SNTG2: variants seen among roughly 807,000 people sequenced by gnomAD.
The protein encoded by SNTG2 is gamma-2-syntrophin.
Under a neutral mutation model 70.9 loss-of-function variants are expected in SNTG2, and 74 were observed. The ratio of observed to expected loss-of-function variants is 1.04; its 90% CI spans 0.86 to 1.27. The LOEUF (loss-of-function observed/expected upper bound fraction) is 1.27, where lower values mean the gene tolerates loss of function less well. SNTG2 is among the 50% of genes most tolerant of loss of function. The pLI is 0.00. For missense variants in SNTG2, 717 were observed against 690.7 expected (o/e 1.04, Z -0.43); for synonymous variants, 278 against 273.8 (o/e 1.02, Z -0.15).
At chr2:960,627 C>T (rs956742653) in intron 1 of SNTG2, among the ~76,000 whole-genome samples, 3 of 150,172 alleles carry the variant, frequency 2.0e-5, no homozygotes, top group African/African-American at 5.0e-5. Context: ...TCTGAGGGTT[C>T]CCGGGCATGG....
intron 16 of SNTG2, among the ~76,000 whole-genome samples, chr2:1,362,353 G>A (rs1036753560): frequency 6.6e-6 from 1 of 152,006 alleles, no homozygotes; most frequent in Non-Finnish European, 1.5e-5. Flanking sequence ...CCGACGCTGA[G>A]CATTTCAATA....
intron 1 of SNTG2, among the ~76,000 whole-genome samples, chr2:1,023,119 A>G (rs78258236): frequency 0.095 from 14,351 of 151,668 alleles, 792 homozygotes; most frequent in Middle Eastern, 0.15. Flanking sequence ...CATTTAACCC[A>G]CTATCAGTAG....
chr2:993,070 C>CTTTTTTT (rs59134628), intron 1 of SNTG2, among the ~76,000 whole-genome samples: 1 of 140,494 alleles, frequency 7.1e-6, no homozygotes, highest in African/African-American at 2.7e-5. Flanking sequence ...TTTGTGGGTT[C>CTTTTTTT]TTTTTTTTTT....
intron 16 of SNTG2, among the ~76,000 whole-genome samples, chr2:1,332,845 C>T (rs1474249185): frequency 2.6e-5 from 4 of 152,136 alleles, no homozygotes; most frequent in African/African-American, 9.7e-5. Flanking sequence ...CCACAGCCAA[C>T]ATCATACTGA....
At chr2:1,216,399 GTTGT>G (rs1387586923) in intron 9 of SNTG2, among the ~76,000 whole-genome samples, 10 of 152,228 alleles carry the variant, frequency 6.6e-5, no homozygotes, top group South Asian at 2.1e-4. Flanking sequence ...TTTTGATGGG[GTTGT>G]TTGTTTTTTT....
At chr2:1,095,870 C>T (rs2148205200) in intron 2 of SNTG2, among the ~76,000 whole-genome samples, 1 of 152,308 alleles carries the variant, frequency 6.6e-6, no homozygotes, top group Non-Finnish European at 1.5e-5. Context: ...TTTTCTCATC[C>T]TCCATAGCCT....
intron 1 of SNTG2, among the ~76,000 whole-genome samples, chr2:1,004,628 T>G (rs1264677277): frequency 2.0e-5 from 3 of 152,188 alleles, no homozygotes; most frequent in African/African-American, 7.2e-5. Context: ...ACACCACTGT[T>G]AGCTGGCTAA....
At chr2:1,200,494 C>G (rs1673211031) in intron 8 of SNTG2, among the ~76,000 whole-genome samples, 1 of 151,906 alleles carries the variant, frequency 6.6e-6, no homozygotes, top group African/African-American at 2.4e-5. Flanking sequence ...AAAGCACTGA[C>G]AACAAAAACT....
chr2:1,230,056 G>C (rs1218312426), intron 9 of SNTG2, among the ~76,000 whole-genome samples: 2 of 152,232 alleles, frequency 1.3e-5, no homozygotes, highest in Non-Finnish European at 2.9e-5. Flanking sequence ...GTGCAGCGGT[G>C]GGCTGAAGGG....
In SNTG2 at chr2:996,120, C is replaced by G. The variant is rs183236748; in HGVS notation, c.72+45052C>G. The stretch of plus-strand genomic sequence containing the variant: ...GTGACTGACCATAAACAAACATACT[C>G]TCAACTTGTGATTGCACACAGGTGG... On this transcript the variant is annotated intron_variant, in intron 1 of 16. Coordinates refer to ENST00000308624, the MANE Select transcript of SNTG2 (RefSeq NM_018968.4). Among the ~76,000 whole-genome samples, 21 of 152,284 alleles carry G rather than the reference C, an allele frequency of 1.4e-4. No individual in the cohort carries two copies. The East Asian group carries it at 3.9e-3, about 28-fold the overall frequency.
At chr2:1,315,829 T>C (rs11898786) in intron 15 of SNTG2, among the ~76,000 whole-genome samples, 82,627 of 152,034 alleles carry the variant, frequency 0.54, 22,506 homozygotes, top group Middle Eastern at 0.68. Flanking sequence ...TCTGCACTTT[T>C]GACTATGTCT....
At chr2:1,203,712 GTA>G (rs74164501) in intron 8 of SNTG2, among the ~76,000 whole-genome samples, 7 of 150,114 alleles carry the variant, frequency 4.7e-5, no homozygotes, top group African/African-American at 1.2e-4. Context: ...GTGTGTGTGT[GTA>G]TGTGTGTATA....
At chr2:1,118,543 A>G (rs1461076877) in intron 4 of SNTG2, among the ~76,000 whole-genome samples, 9 of 152,170 alleles carry the variant, frequency 5.9e-5, no homozygotes, top group Admixed American at 5.9e-4. Flanking sequence ...AAAAATTAGA[A>G]GAGATAAGAA....
chr2:1,116,036 A>G (rs993152979), intron 4 of SNTG2, among the ~76,000 whole-genome samples: 1 of 152,194 alleles, frequency 6.6e-6, no homozygotes, highest in Non-Finnish European at 1.5e-5. Context: ...CTTATGACCA[A>G]CACACTAGTG....
intron 4 of SNTG2, among the ~76,000 whole-genome samples, chr2:1,135,951 A>C (rs148206601): frequency 6.6e-6 from 1 of 152,328 alleles, no homozygotes; most frequent in African/African-American, 2.4e-5. Flanking sequence ...CCCATGCGTC[A>C]GGTAGGTATT....
chr2:974,989 CAGAG>C (rs1446535972), intron 1 of SNTG2, among the ~76,000 whole-genome samples: 1 of 152,170 alleles, frequency 6.6e-6, no homozygotes, highest in Non-Finnish European at 1.5e-5. Context: ...TCATTTGAAA[CAGAG>C]AGTGCATGAA....
intron 1 of SNTG2, among the ~76,000 whole-genome samples, chr2:1,015,050 T>C (rs991229394): frequency 2.0e-5 from 3 of 152,090 alleles, no homozygotes; most frequent in Non-Finnish European, 2.9e-5. Flanking sequence ...GTGAAAACCC[T>C]TGGGTGGTGG....
chr2:1,030,281 G>A (rs969197605), intron 1 of SNTG2, among the ~76,000 whole-genome samples: 8 of 152,158 alleles, frequency 5.3e-5, no homozygotes, highest in South Asian at 2.1e-4. Flanking sequence ...TGTTAGAGAC[G>A]TGCTTCGTGC....
intron 1 of SNTG2, among the ~76,000 whole-genome samples, chr2:976,722 C>T (rs569000251): frequency 9.2e-5 from 14 of 152,178 alleles, no homozygotes; most frequent in Non-Finnish European, 1.5e-4. Flanking sequence ...ACCTGCTGTC[C>T]ACTCCCCAGC....
Sources: allele counts gnomAD v4.1 joint callset (sites outside exome capture counted in the v4.1 genomes callset), GRCh38; gene constraint gnomAD v4.1.1; transcripts MANE v1.5; gene names NCBI Gene and HGNC (gene_info 2026-07-23, HGNC 2026-07-21).